Variants in STAM2 observed in about 807,000 individuals in gnomAD.
STAM2 encodes signal transducing adaptor molecule 2.
In STAM2, 51 loss-of-function variants were observed where a neutral mutation model predicts 65.6. The observed-to-expected ratio is 0.78, with a 90% CI of 0.62 to 0.98. The LOEUF (loss-of-function observed/expected upper bound fraction) is 0.98. Ranked by LOEUF, STAM2 falls within the 50% of genes least tolerant of loss-of-function variation. The probability of loss-of-function intolerance (pLI) is 0.00; values close to 1 mark genes in which losing one functional copy is unlikely to be tolerated. For missense variants in STAM2, 584 were observed against 617.8 expected (o/e 0.95, Z 0.58); for synonymous variants, 198 against 208.4 (o/e 0.95, Z 0.43).
intron 13 of STAM2, among the ~76,000 whole-genome samples, chr2:152,121,298 TAAG>T (rs923199592): frequency 2.0e-5 from 3 of 152,260 alleles, no homozygotes; most frequent in African/African-American, 7.2e-5. Context: ...TTATATTTGG[TAAG>T]AAGAGAGAGG....
At position 152,123,893 on chromosome 2, in the gene STAM2, T is replaced by C. The variant is rs1234682555; in HGVS notation, c.1222A>G (p.Ser408Gly). Residue 408 changes from serine (S) to glycine (G), a missense_variant, in exon 13 of 14, where the codon AGC (serine) becomes GGC (glycine). By Grantham distance (56) the Ser-to-Gly change is moderately conservative. Coordinates refer to ENST00000263904, the MANE Select transcript of STAM2 (RefSeq NM_005843.6). ...TGGGCAACAGTTACTTGGTGAATGC[T>C]CTGACCCATATAGTTTCCACCATGT... The part of the protein sequence containing the change: ...QSHGGNYMGQ[S>G]IHQVTVAQSY... The C allele has an allele frequency of 8.1e-6, 13 of 1,614,056 alleles. No homozygotes were observed. The Admixed American group carries it at 1.0e-4, about 12-fold the overall frequency.
intron 7 of STAM2, among the ~76,000 whole-genome samples, chr2:152,143,357 G>A (rs1368887233): frequency 6.6e-6 from 1 of 152,144 alleles, no homozygotes; most frequent in East Asian, 1.9e-4. Context: ...GCTCTACAGA[G>A]ATTGATCTAT....
At chr2:152,130,441 C>A (rs1345211119) in intron 11 of STAM2, among the ~76,000 whole-genome samples, 1 of 151,808 alleles carries the variant, frequency 6.6e-6, no homozygotes, top group Non-Finnish European at 1.5e-5. Flanking sequence ...TTAGTAGAGA[C>A]GGGGTTTCAC....
chr2:152,170,991 G>A (rs747865147), intron 1 of STAM2, among the ~76,000 whole-genome samples: 18 of 152,166 alleles, frequency 1.2e-4, no homozygotes, highest in South Asian at 4.1e-4. Flanking sequence ...GCAAGACTCC[G>A]TCTCAAAAAA....
intron 1 of STAM2, among the ~76,000 whole-genome samples, chr2:152,167,743 T>A (rs930743947): frequency 5.1e-4 from 77 of 149,966 alleles, no homozygotes; most frequent in African/African-American, 1.8e-3. Context: ...AAAAAATAAA[T>A]AAATAAATAA....
At chr2:152,143,112 T>C (rs1256445731) in intron 7 of STAM2, among the ~76,000 whole-genome samples, 1 of 152,232 alleles carries the variant, frequency 6.6e-6, no homozygotes, top group African/African-American at 2.4e-5. Context: ...TGTTATTAAA[T>C]AGTTGATTAC....
intron 1 of STAM2, among the ~76,000 whole-genome samples, chr2:152,169,324 T>C (rs577859390): frequency 6.6e-6 from 1 of 152,326 alleles, no homozygotes; most frequent in Non-Finnish European, 1.5e-5. Flanking sequence ...TCACCCAGGC[T>C]GGAGTGCAGT....
At position 152,123,794 on chromosome 2, in the gene STAM2, C is replaced by T. The variant is rs1688904047; in HGVS notation, c.1321G>A (p.Ala441Thr). The T allele has an allele frequency of 1.2e-6, 2 of 1,614,052 alleles. No homozygotes were observed. The highest frequency in any genetic ancestry group is 2.2e-5 in the South Asian group (2 of 91,092). The change falls in exon 13 of 14, where the codon GCA becomes ACA. Residue 441 changes from alanine (A) to threonine (T), a missense_variant. Physicochemically the swap from Ala to Thr is moderately conservative, Grantham distance 58 (BLOSUM62 0). Coordinates refer to ENST00000263904, the MANE Select transcript of STAM2 (RefSeq NM_005843.6). ...LPPNVNSSVT[A>T]QPAQTSYLST... ...AAATATGAAGTTTGAGCAGGCTGTGCTGTCACTGAGGAATTCACATTTGGA... is the reference window on the plus strand; with the variant it reads ...AAATATGAAGTTTGAGCAGGCTGTGTTGTCACTGAGGAATTCACATTTGGA...
At chr2:152,147,029 C>T in intron 5 of STAM2, 133 bp downstream of exon 5, 1 of 763,214 alleles carries the variant, frequency 1.3e-6, no homozygotes, top group Non-Finnish European at 2.0e-6. Context: ...GTAAGGAAGG[C>T]ACTATGCTAG....
intron 11 of STAM2, among the ~76,000 whole-genome samples, chr2:152,129,516 A>G (rs1316507980): frequency 6.6e-6 from 1 of 152,186 alleles, no homozygotes; most frequent in East Asian, 1.9e-4. Context: ...ACCAAAAATA[A>G]GATTAAATTG....
intron 1 of STAM2, 61 bp downstream of exon 1, chr2:152,175,542 C>A: frequency 6.2e-7 from 1 of 1,607,334 alleles, no homozygotes; most frequent in Non-Finnish European, 8.5e-7. Context: ...CACTTTCTAG[C>A]CGGACAAACA....
chr2:152,155,263 A>T (rs1468520263), intron 1 of STAM2, among the ~76,000 whole-genome samples: 1 of 152,234 alleles, frequency 6.6e-6, no homozygotes, highest in Non-Finnish European at 1.5e-5. Flanking sequence ...AGCCTGGTAC[A>T]ATGTGTAAGG....
At chr2:152,170,012 AT>A (rs1689870815) in intron 1 of STAM2, among the ~76,000 whole-genome samples, 4 of 151,862 alleles carry the variant, frequency 2.6e-5, no homozygotes, top group Admixed American at 6.6e-5. Context: ...TAAGTTTTGT[AT>A]TTTCAGTAGA....
In STAM2 at chr2:152,120,976, T is replaced by C. The variant is rs574791739; in HGVS notation, c.1350-174A>G. ...TTGAATACTGTTAATCAAATTTTCT[T>C]CTTCTTATTTTTGAGATGGGATCTT... On this transcript the variant is annotated intron_variant, in intron 13 of 13. Coordinates refer to ENST00000263904, the MANE Select transcript of STAM2 (RefSeq NM_005843.6). 4.6e-5 allele frequency among the ~76,000 whole-genome samples: 7 copies of C among 152,206 alleles called. No homozygotes were observed. The South Asian group carries it at 1.4e-3, about 32-fold the overall frequency.
intron 1 of STAM2, among the ~76,000 whole-genome samples, chr2:152,171,555 TA>T (rs1462803289): frequency 5.3e-5 from 8 of 152,266 alleles, no homozygotes; most frequent in African/African-American, 1.9e-4. Flanking sequence ...GGATTTCTTA[TA>T]AAATTTCACT....
intron 8 of STAM2, among the ~76,000 whole-genome samples, chr2:152,134,589 C>T (rs566274572): frequency 6.6e-6 from 1 of 152,282 alleles, no homozygotes; most frequent in African/African-American, 2.4e-5. Flanking sequence ...AGGACTAGCA[C>T]TGATATATCC....
Position 152,127,687 on chromosome 2 carries a change from T to C in STAM2, c.1026-1308A>G, listed in dbSNP as rs150651795. ...AGACTAATCTCTACAGCTCATTTGT[T>C]GGTTGGTTGATTTTGAGAAAGTAAA... On this transcript the variant is annotated intron_variant, in intron 11 of 13. Coordinates refer to ENST00000263904, the MANE Select transcript of STAM2 (RefSeq NM_005843.6). 2.1e-3 allele frequency among the ~76,000 whole-genome samples: 317 copies of C among 152,122 alleles called. 1 individual carries two copies. Among genetic ancestry groups the C allele is most frequent in the African/African-American group, 6.8e-3 (282 of 41,556 alleles).
intron 11 of STAM2, among the ~76,000 whole-genome samples, chr2:152,128,201 A>T (rs1276843739): frequency 2.0e-5 from 3 of 152,116 alleles, no homozygotes; most frequent in Admixed American, 6.5e-5. Flanking sequence ...AGGTCAGGAG[A>T]TCGAGACCAT....
At chr2:152,150,032 T>C in intron 2 of STAM2, 113 bp downstream of exon 2, 3 of 701,680 alleles carry the variant, frequency 4.3e-6, no homozygotes, top group Middle Eastern at 2.4e-4. Context: ...AAATCTGTGT[T>C]GTTCAAGGGT....
Sources: allele counts gnomAD v4.1 joint callset (sites outside exome capture counted in the v4.1 genomes callset), GRCh38; gene constraint gnomAD v4.1.1; transcripts MANE v1.5; gene names NCBI Gene and HGNC (gene_info 2026-07-23, HGNC 2026-07-21).